The following ZNF148 variants were observed in gnomAD, a reference collection of about 807,000 sequenced individuals.
ZNF148 encodes Beta-Enolase Repressor Factor-1.
In ZNF148, 7 loss-of-function variants were observed where a neutral mutation model predicts 67.7. The ratio of observed to expected loss-of-function variants is 0.10; its 90% CI spans 0.06 to 0.19. The LOEUF is 0.19. Ranked by LOEUF, ZNF148 falls within the 10% of genes least tolerant of loss-of-function variation. The pLI is 1.00. For missense variants in ZNF148, 583 were observed against 947.1 expected (o/e 0.62, Z 5.05); for synonymous variants, 333 against 330.7 (o/e 1.01, Z -0.08).
At chr3:125,266,104 C>T (rs1024768516) in intron 7 of ZNF148, among the ~76,000 whole-genome samples, 2 of 152,022 alleles carry the variant, frequency 1.3e-5, no homozygotes, top group Non-Finnish European at 2.9e-5. Context: ...AAGATGTATA[C>T]AGCCATACAA....
intron 4 of ZNF148, among the ~76,000 whole-genome samples, chr3:125,307,923 G>A (rs1939977389): frequency 6.6e-6 from 1 of 151,366 alleles, no homozygotes; most frequent in South Asian, 2.1e-4. Flanking sequence ...CTAAAGTGCT[G>A]AGATTACAGG....
intron 7 of ZNF148, among the ~76,000 whole-genome samples, chr3:125,248,923 A>G (rs1287547163): frequency 6.6e-6 from 1 of 152,220 alleles, no homozygotes; most frequent in Non-Finnish European, 1.5e-5. Context: ...TTAAAGTGTC[A>G]TCTTAAAAAT....
At chr3:125,318,240 GC>G (rs988771787) in intron 3 of ZNF148, among the ~76,000 whole-genome samples, 23 of 152,174 alleles carry the variant, frequency 1.5e-4, no homozygotes, top group Admixed American at 3.9e-4. Context: ...GCTAACACAT[GC>G]CATATCCCTC....
chr3:125,319,780 A>G (rs1162361103), intron 3 of ZNF148, among the ~76,000 whole-genome samples: 1 of 152,230 alleles, frequency 6.6e-6, no homozygotes. Flanking sequence ...CCAAGGATAC[A>G]TAGCTCAGAA....
intron 7 of ZNF148, among the ~76,000 whole-genome samples, chr3:125,254,284 G>A (rs796842304): frequency 4.6e-5 from 7 of 152,142 alleles, no homozygotes; most frequent in African/African-American, 1.7e-4. Context: ...TTTGCTTTAT[G>A]GCCAAATGCA....
chr3:125,352,637 G>A (rs550891852), intron 1 of ZNF148, among the ~76,000 whole-genome samples: 1 of 149,446 alleles, frequency 6.7e-6, no homozygotes, highest in Admixed American at 6.7e-5. Context: ...ATATCCTGTG[G>A]TCACGGACTG....
chr3:125,333,883 A>G (rs915062258), intron 1 of ZNF148, among the ~76,000 whole-genome samples: 4 of 152,246 alleles, frequency 2.6e-5, no homozygotes, highest in Non-Finnish European at 5.9e-5. Flanking sequence ...AATATCCTAA[A>G]TCAAACCACT....
At chr3:125,304,288 G>A (rs1939755359) in intron 4 of ZNF148, among the ~76,000 whole-genome samples, 1 of 152,160 alleles carries the variant, frequency 6.6e-6, no homozygotes, top group Non-Finnish European at 1.5e-5. Flanking sequence ...GCAGCATAAG[G>A]AAGAGTCTAG....
intron 7 of ZNF148, among the ~76,000 whole-genome samples, chr3:125,250,170 C>A (rs868752843): frequency 3.9e-5 from 6 of 152,290 alleles, no homozygotes; most frequent in South Asian, 2.1e-4. Context: ...ACCACACACA[C>A]AAAAGATAGT....
At chr3:125,330,048 A>G (rs1187701631) in intron 2 of ZNF148, among the ~76,000 whole-genome samples, 4 of 152,174 alleles carry the variant, frequency 2.6e-5, no homozygotes. Flanking sequence ...CACCTATTAT[A>G]ATAAACGTGG....
At chr3:125,257,931 C>A (rs1347253503) in intron 7 of ZNF148, among the ~76,000 whole-genome samples, 1 of 152,158 alleles carries the variant, frequency 6.6e-6, no homozygotes, top group Non-Finnish European at 1.5e-5. Context: ...TAGTCAGTGA[C>A]AAGCAAAGTA....
chr3:125,306,035 TCTGGAAAA>T (rs1266369719), intron 4 of ZNF148, among the ~76,000 whole-genome samples: 4 of 152,074 alleles, frequency 2.6e-5, no homozygotes. Flanking sequence ...TGAAAAGATA[TCTGGAAAA>T]CTTCAAAATA....
At chr3:125,251,611 C>A (rs1272899418) in intron 7 of ZNF148, among the ~76,000 whole-genome samples, 1 of 152,128 alleles carries the variant, frequency 6.6e-6, no homozygotes, top group African/African-American at 2.4e-5. Flanking sequence ...TCTTTTGTGT[C>A]TTTTAGTCAA....
At chr3:125,352,879 A>C (rs1422316266) in intron 1 of ZNF148, among the ~76,000 whole-genome samples, 1 of 152,206 alleles carries the variant, frequency 6.6e-6, no homozygotes, top group Non-Finnish European at 1.5e-5. Context: ...AAGCTATAAT[A>C]ATCAAGACAG....
At chr3:125,324,062 GT>G (rs1188945923) in intron 2 of ZNF148, among the ~76,000 whole-genome samples, 1 of 151,926 alleles carries the variant, frequency 6.6e-6, no homozygotes, top group Non-Finnish European at 1.5e-5. Context: ...AACCTAAAAG[GT>G]TAGAAAAAAC....
intron 1 of ZNF148, among the ~76,000 whole-genome samples, chr3:125,374,876 CCCT>C (rs1943012996): frequency 1.3e-5 from 2 of 151,554 alleles, no homozygotes; most frequent in Non-Finnish European, 1.5e-5. Context: ...CCGTCATTAT[CCCT>C]CCTCAACCCC....
chr3:125,330,619 G>C (rs1450973769), intron 2 of ZNF148, among the ~76,000 whole-genome samples: 1 of 151,906 alleles, frequency 6.6e-6, no homozygotes, highest in African/African-American at 2.4e-5. Context: ...CTTGAGTTCA[G>C]GGGTTGAGGA....
intron 7 of ZNF148, among the ~76,000 whole-genome samples, chr3:125,272,361 T>C (rs939621263): frequency 3.3e-5 from 5 of 152,176 alleles, no homozygotes; most frequent in African/African-American, 1.2e-4. Context: ...TTAAAACAAA[T>C]GCTACACATC....
At chr3:125,353,218 A>G (rs1267677911) in intron 1 of ZNF148, among the ~76,000 whole-genome samples, 1 of 152,236 alleles carries the variant, frequency 6.6e-6, no homozygotes, top group Non-Finnish European at 1.5e-5. Context: ...TACATAAACA[A>G]ACTATGTCAT....
Sources: gnomAD v4.1 joint callset for allele counts (sites outside exome capture counted in the v4.1 genomes callset) on GRCh38, gnomAD v4.1.1 for gene constraint, MANE v1.5 for transcripts, NCBI Gene and HGNC (gene_info 2026-07-23, HGNC 2026-07-21) for gene names.